ATP2B2: variants seen among roughly 807,000 people sequenced by gnomAD.
ATP2B2 encodes the protein plasma membrane calcium-transporting ATPase 2.
Under a neutral mutation model 120.0 loss-of-function variants are expected in ATP2B2, and 15 were observed. The observed-to-expected ratio is 0.12, with a 90% CI of 0.08 to 0.19. ATP2B2 has a LOEUF of 0.19. Ranked by LOEUF, ATP2B2 falls within the 10% of genes least tolerant of loss-of-function variation. The probability of loss-of-function intolerance (pLI) is 1.00; values close to 1 mark genes in which losing one functional copy is unlikely to be tolerated. For synonymous variants in ATP2B2, 694 were observed against 700.3 expected (o/e 0.99, Z 0.14); for missense variants, 1,045 against 1,719.8 (o/e 0.61, Z 6.94).
chr3:10,690,557 C>T (rs1175158997), intron 1 of ATP2B2, among the ~76,000 whole-genome samples: 1 of 152,082 alleles, frequency 6.6e-6, no homozygotes, highest in East Asian at 1.9e-4. Context: ...CTAAAGGTTG[C>T]CACCTTACTC....
At chr3:10,368,685 C>A (rs559885419) in intron 12 of ATP2B2, among the ~76,000 whole-genome samples, 1 of 151,620 alleles carries the variant, frequency 6.6e-6, no homozygotes, top group African/African-American at 2.4e-5. Flanking sequence ...TCCACCTAAC[C>A]GCCATCCATC....
chr3:10,376,878 C>T (rs1363350249), intron 10 of ATP2B2, among the ~76,000 whole-genome samples: 2 of 152,166 alleles, frequency 1.3e-5, no homozygotes, highest in Non-Finnish European at 2.9e-5. Context: ...TGGGTTGCTC[C>T]AGAGCTCCCA....
At chr3:10,624,385 T>C (rs1241896507) in intron 1 of ATP2B2, among the ~76,000 whole-genome samples, 3 of 152,146 alleles carry the variant, frequency 2.0e-5, no homozygotes, top group Admixed American at 2.0e-4. Flanking sequence ...TCAGGACAGG[T>C]GCTATGTCTG....
intron 1 of ATP2B2, among the ~76,000 whole-genome samples, chr3:10,492,851 G>C (rs1359271226): frequency 1.3e-5 from 2 of 152,164 alleles, no homozygotes; most frequent in African/African-American, 2.4e-5. Flanking sequence ...GCGCAAAAGA[G>C]AGCAGATGGA....
At chr3:10,574,071 T>A (rs943786327) in intron 2 of ATP2B2, among the ~76,000 whole-genome samples, 2 of 152,212 alleles carry the variant, frequency 1.3e-5, no homozygotes, top group Non-Finnish European at 2.9e-5. Context: ...CAGGGGTCCT[T>A]TTATTGCTTC....
At chr3:10,599,450 C>A (rs542940425) in intron 2 of ATP2B2, among the ~76,000 whole-genome samples, 2 of 152,212 alleles carry the variant, frequency 1.3e-5, no homozygotes, top group Non-Finnish European at 2.9e-5. Flanking sequence ...CCCCACATCA[C>A]CTTGTTCTCC....
chr3:10,612,448 C>T (rs973909988), intron 2 of ATP2B2, among the ~76,000 whole-genome samples: 3 of 152,148 alleles, frequency 2.0e-5, no homozygotes, highest in African/African-American at 7.2e-5. Flanking sequence ...GGGACCCCTG[C>T]GTACTCCCTT....
At chr3:10,422,265 T>C (rs1390652697) in intron 2 of ATP2B2, among the ~76,000 whole-genome samples, 1 of 152,204 alleles carries the variant, frequency 6.6e-6, no homozygotes, top group African/African-American at 2.4e-5. Context: ...CTTAACAGAC[T>C]TGGGGCAGAG....
chr3:10,335,984 G>A (rs969459283), intron 22 of ATP2B2: 112 of 996,400 alleles, frequency 1.1e-4, no homozygotes, highest in South Asian at 3.4e-5. Flanking sequence ...TGACCAACGG[G>A]ACCCTCTTCG....
intron 1 of ATP2B2, among the ~76,000 whole-genome samples, chr3:10,620,826 C>T (rs1298002128): frequency 1.3e-5 from 2 of 152,156 alleles, no homozygotes; most frequent in African/African-American, 4.8e-5. Context: ...TGGTGCAGCC[C>T]CTACCAGCCA....
At chr3:10,553,647 G>T (rs1165286971) in intron 2 of ATP2B2, among the ~76,000 whole-genome samples, 1 of 152,218 alleles carries the variant, frequency 6.6e-6, no homozygotes, top group South Asian at 2.1e-4. Flanking sequence ...GAGCTGGGGG[G>T]GAAACCCAGG....
In ATP2B2 at chr3:10,439,236, G is replaced by A. The variant is rs551535463; in HGVS notation, c.199+10109C>T. ...CATCAAGGCAGACAGTTTCACAGTAGTAGAATGTCTGAGCCTGGACAAGCC... is the reference window on the plus strand; with the variant it reads ...CATCAAGGCAGACAGTTTCACAGTAATAGAATGTCTGAGCCTGGACAAGCC... On this transcript the variant is annotated intron_variant, in intron 2 of 22. Coordinates refer to ENST00000360273, the MANE Select transcript of ATP2B2 (RefSeq NM_001001331.4). Among the ~76,000 whole-genome samples, 6 of 152,354 alleles carry A rather than the reference G, an allele frequency of 3.9e-5. No homozygotes were observed. In the South Asian group the frequency reaches 1.0e-3, roughly 26 times the overall value.
chr3:10,499,700 A>G (rs1403992256), intron 1 of ATP2B2, among the ~76,000 whole-genome samples: 1 of 151,932 alleles, frequency 6.6e-6, no homozygotes, highest in African/African-American at 2.4e-5. Context: ...CACACCTTGA[A>G]GCTCCCCTGC....
rs535589908 is a variant in ATP2B2, at chr3:10,346,237, C to G, written c.2405-100G>C. ...GAGGGGCCTGGCTGGGCATGGCTTC[C>G]TCTCTGGTCCCTGTCCAGCCGCCCC... On this transcript the variant is annotated intron_variant, in intron 16 of 22. Coordinates refer to ENST00000360273, the MANE Select transcript of ATP2B2 (RefSeq NM_001001331.4). This position sits in a 1 kb window ranked among gnomAD's most constrained non-coding sequence, Gnocchi z 4.1. 1.6e-4 allele frequency: 188 copies of G among 1,150,426 alleles called. 1 individual carries two copies. In the African/African-American group the frequency reaches 2.5e-3, roughly 15 times the overall value. The allele number at this position is 1,150,426 out of a possible 1,614,324, so 71.3% of individuals were successfully genotyped here.
chr3:10,633,287 C>T (rs991144929), intron 1 of ATP2B2, among the ~76,000 whole-genome samples: 30 of 152,278 alleles, frequency 2.0e-4, no homozygotes, highest in Admixed American at 1.8e-3. Flanking sequence ...TTTCTCCCAC[C>T]CTGCCTCCGC....
chr3:10,443,676 G>A (rs573204996), intron 2 of ATP2B2, among the ~76,000 whole-genome samples: 1 of 152,182 alleles, frequency 6.6e-6, no homozygotes, highest in Non-Finnish European at 1.5e-5. Context: ...GGAGCCAGCC[G>A]TGCCGGAGGC....
intron 1 of ATP2B2, among the ~76,000 whole-genome samples, chr3:10,660,118 A>G (rs2070741533): frequency 1.3e-5 from 2 of 152,250 alleles, no homozygotes; most frequent in South Asian, 4.1e-4. Context: ...GGAAATTTAT[A>G]GCACTAAATG....
At chr3:10,620,075 G>C (rs2069503390) in intron 1 of ATP2B2, 1 of 152,378 alleles carries the variant, frequency 6.6e-6, no homozygotes, top group South Asian at 2.1e-4. Flanking sequence ...TACTGTTTGA[G>C]CCAATCCCAG....
chr3:10,559,577 T>G (rs2067856640), intron 2 of ATP2B2, among the ~76,000 whole-genome samples: 1 of 152,032 alleles, frequency 6.6e-6, no homozygotes, highest in Non-Finnish European at 1.5e-5. Context: ...TTTAGGCCTA[T>G]TTTACAGATG....
Sources: gnomAD v4.1 joint callset for allele counts (sites outside exome capture counted in the v4.1 genomes callset) on GRCh38, gnomAD v4.1.1 for gene constraint, Gnocchi (gnomAD v3.1) non-coding constraint, MANE v1.5 for transcripts, NCBI Gene and HGNC (gene_info 2026-07-23, HGNC 2026-07-21) for gene names.